The following CCDC7 variants were observed in gnomAD, a reference collection of about 807,000 sequenced individuals.
CCDC7 encodes coiled-coil domain-containing protein 7.
Under a neutral mutation model 196.9 loss-of-function variants are expected in CCDC7, and 183 were observed. The observed-to-expected ratio is 0.93, with a 90% CI of 0.82 to 1.05. CCDC7 has a LOEUF of 1.05. Among genes scored for constraint, CCDC7 ranks in the 50% least tolerant of loss-of-function variants. CCDC7 has a pLI of 0.00. For missense variants in CCDC7, 1,540 were observed against 1,482.2 expected, an observed-to-expected ratio of 1.04 and a Z score of -0.64; for synonymous variants, 525 against 484.6, an observed-to-expected ratio of 1.08 and a Z score of -1.10.
At chr10:32,632,892 T>A (rs1425134826) in intron 18 of CCDC7, among the ~76,000 whole-genome samples, 5 of 152,222 alleles carry the variant, frequency 3.3e-5, no homozygotes, top group African/African-American at 7.2e-5. Flanking sequence ...AAGTATATTT[T>A]AGAGCAACAC....
At chr10:32,465,144 T>G (rs1272751690) in intron 5 of CCDC7, among the ~76,000 whole-genome samples, 5 of 151,670 alleles carry the variant, frequency 3.3e-5, no homozygotes, top group Admixed American at 6.6e-5. Flanking sequence ...ACGAATAAAC[T>G]GGCACCTAGT....
intron 9 of CCDC7, among the ~76,000 whole-genome samples, chr10:32,508,953 G>C (rs1014159734): frequency 5.7e-5 from 2 of 35,290 alleles, no homozygotes; most frequent in East Asian, 7.3e-4. Flanking sequence ...TTTTTTTTTT[G>C]AAATGGAGTC....
chr10:32,525,151 G>T (rs954368405), intron 11 of CCDC7, among the ~76,000 whole-genome samples: 3 of 151,056 alleles, frequency 2.0e-5, no homozygotes, highest in Admixed American at 2.0e-4. Flanking sequence ...TGTAAATGAC[G>T]AGTTAATGGG....
chr10:32,560,167 C>T (rs889296576), intron 13 of CCDC7, among the ~76,000 whole-genome samples: 3 of 152,086 alleles, frequency 2.0e-5, no homozygotes, highest in African/African-American at 4.8e-5. Flanking sequence ...AAATATGGGA[C>T]TATGTGAAAA....
chr10:32,688,227 C>T (rs749950338), intron 22 of CCDC7, among the ~76,000 whole-genome samples: 14 of 152,138 alleles, frequency 9.2e-5, no homozygotes, highest in Non-Finnish European at 2.1e-4. Flanking sequence ...ATTCAAGTTC[C>T]TATAAACTCC....
intron 41 of CCDC7, among the ~76,000 whole-genome samples, chr10:32,861,750 G>A (rs12264680): frequency 0.018 from 2,760 of 152,174 alleles, 82 homozygotes; most frequent in African/African-American, 0.063. Context: ...CAAAAAGTAG[G>A]CAAAGGAGAT....
intron 20 of CCDC7, among the ~76,000 whole-genome samples, chr10:32,646,989 G>C (rs945074340): frequency 5.9e-5 from 9 of 152,014 alleles, no homozygotes; most frequent in African/African-American, 2.2e-4. Flanking sequence ...GCCATAGTTG[G>C]GCAACGAGAT....
chr10:32,639,368 T>C (rs2066285820), intron 20 of CCDC7, among the ~76,000 whole-genome samples: 1 of 152,192 alleles, frequency 6.6e-6, no homozygotes, highest in Non-Finnish European at 1.5e-5. Context: ...CTTGTGGGCA[T>C]TTAGTGCTAT....
intron 18 of CCDC7, among the ~76,000 whole-genome samples, chr10:32,595,149 G>T (rs1342099480): frequency 1.3e-5 from 2 of 152,156 alleles, no homozygotes; most frequent in East Asian, 1.9e-4. Context: ...TGTACCTCTG[G>T]CAGAATTTGG....
chr10:32,789,505 A>G (rs1458842370), intron 29 of CCDC7, among the ~76,000 whole-genome samples: 2 of 152,074 alleles, frequency 1.3e-5, no homozygotes, highest in African/African-American at 4.8e-5. Context: ...AGAATCAGTA[A>G]ACTTGAACAC....
At chr10:32,593,183 T>C (rs2059958382) in intron 18 of CCDC7, among the ~76,000 whole-genome samples, 1 of 152,246 alleles carries the variant, frequency 6.6e-6, no homozygotes, top group South Asian at 2.1e-4. Context: ...AAAGCATTCC[T>C]ATTTCTCCAC....
intron 24 of CCDC7, among the ~76,000 whole-genome samples, chr10:32,708,102 T>A (rs1591859124): frequency 6.6e-6 from 1 of 151,984 alleles, no homozygotes. Context: ...CAAAAGAGCA[T>A]AGTACTGGTA....
intron 13 of CCDC7, among the ~76,000 whole-genome samples, chr10:32,562,926 G>C (rs186187541): frequency 2.3e-4 from 35 of 152,224 alleles, no homozygotes; most frequent in Non-Finnish European, 3.2e-4. Context: ...CCCAAAATCT[G>C]CTTAAGCTGA....
intron 29 of CCDC7, among the ~76,000 whole-genome samples, chr10:32,787,312 G>C (rs1197645708): frequency 6.6e-6 from 1 of 150,792 alleles, no homozygotes; most frequent in African/African-American, 2.4e-5. Context: ...AATGACATCA[G>C]CAAGATGGCA....
intron 26 of CCDC7, among the ~76,000 whole-genome samples, chr10:32,727,523 A>G (rs958404343): frequency 2.0e-5 from 3 of 152,214 alleles, no homozygotes; most frequent in East Asian, 3.9e-4. Flanking sequence ...TTCATTAATC[A>G]TAGGGTCTTC....
At chr10:32,716,217 C>A (rs2081552343) in intron 25 of CCDC7, among the ~76,000 whole-genome samples, 1 of 152,198 alleles carries the variant, frequency 6.6e-6, no homozygotes, top group Non-Finnish European at 1.5e-5. Flanking sequence ...TGCAGAAGCC[C>A]TACAAACCAG....
At chr10:32,662,812 G>A (rs182362981) in intron 20 of CCDC7, among the ~76,000 whole-genome samples, 89 of 152,270 alleles carry the variant, frequency 5.8e-4, no homozygotes, top group Non-Finnish European at 8.8e-4. Flanking sequence ...TAACCAATGA[G>A]AGTAGCACAA....
intron 20 of CCDC7, among the ~76,000 whole-genome samples, chr10:32,641,703 G>A (rs889024246): frequency 1.1e-4 from 16 of 152,210 alleles, no homozygotes; most frequent in Admixed American, 4.6e-4. Context: ...GAGGAGCTGC[G>A]TTCCTTTGGA....
exon 37 of CCDC7, chr10:32,846,403 C>A: frequency 1.3e-6 from 2 of 1,592,602 alleles, no homozygotes; most frequent in Non-Finnish European, 1.7e-6. Flanking sequence ...TTAAAAGATG[C>A]TATTGGAAGA....
Sources: allele counts gnomAD v4.1 joint callset (sites outside exome capture counted in the v4.1 genomes callset), GRCh38; gene constraint gnomAD v4.1.1; transcripts MANE v1.5; gene names NCBI Gene and HGNC (gene_info 2026-07-23, HGNC 2026-07-21).